The following CDH18 variants were observed in gnomAD, a reference collection of about 807,000 sequenced individuals.
CDH18 encodes cadherin-18.
CDH18 carries 31 observed loss-of-function variants against 67.9 expected under a neutral mutation model. The observed-to-expected ratio is 0.46, with a 90% CI of 0.34 to 0.62. The LOEUF (loss-of-function observed/expected upper bound fraction) is 0.62. Ranked by LOEUF, CDH18 falls within the 20% of genes least tolerant of loss-of-function variation. CDH18 has a pLI of 0.01. For missense variants in CDH18, 890 were observed against 975.5 expected, an observed-to-expected ratio of 0.91 and a Z score of 1.17; for synonymous variants, 362 against 347.2, an observed-to-expected ratio of 1.04 and a Z score of -0.48.
At chr5:20,213,959 T>C (rs765284338) in intron 2 of CDH18, among the ~76,000 whole-genome samples, 2 of 151,924 alleles carry the variant, frequency 1.3e-5, no homozygotes, top group Admixed American at 6.6e-5. Context: ...CATGATCCTA[T>C]ATCTAGAAAA....
At chr5:19,662,658 A>G (rs1313709347) in intron 5 of CDH18, among the ~76,000 whole-genome samples, 2 of 152,000 alleles carry the variant, frequency 1.3e-5, no homozygotes, top group East Asian at 1.9e-4. Flanking sequence ...CAAACCACAT[A>G]TGTGCAGCAC....
At chr5:19,567,053 G>C (rs962763565) in intron 8 of CDH18, among the ~76,000 whole-genome samples, 6 of 152,050 alleles carry the variant, frequency 3.9e-5, no homozygotes, top group Non-Finnish European at 7.3e-5. Context: ...AGGAGATAGG[G>C]GGTAGAATAA....
intron 3 of CDH18, among the ~76,000 whole-genome samples, chr5:19,766,993 C>A: frequency 6.6e-6 from 1 of 151,700 alleles, no homozygotes; most frequent in Non-Finnish European, 1.5e-5. Flanking sequence ...AGTAACCATG[C>A]ACATCTGATT....
At chr5:20,516,124 A>T (rs765925193) in intron 1 of CDH18, among the ~76,000 whole-genome samples, 37 of 152,138 alleles carry the variant, frequency 2.4e-4, no homozygotes, top group Admixed American at 7.2e-4. Context: ...ATGAATGCTA[A>T]TTGTAAGAGG....
chr5:20,374,545 T>C (rs1743258136), intron 1 of CDH18, among the ~76,000 whole-genome samples: 1 of 152,162 alleles, frequency 6.6e-6, no homozygotes, highest in African/African-American at 2.4e-5. Flanking sequence ...ACATTTCTCT[T>C]ATTTTACAGT....
At chr5:20,148,401 G>A (rs1336463092) in intron 2 of CDH18, among the ~76,000 whole-genome samples, 1 of 152,002 alleles carries the variant, frequency 6.6e-6, no homozygotes, top group Non-Finnish European at 1.5e-5. Flanking sequence ...CTGGCCTAGT[G>A]TCTTTTTTAA....
chr5:19,565,854 A>G (rs989010419), intron 8 of CDH18, among the ~76,000 whole-genome samples: 1 of 152,222 alleles, frequency 6.6e-6, no homozygotes. Context: ...TCAACCAAAT[A>G]AAAAATAGAT....
intron 1 of CDH18, among the ~76,000 whole-genome samples, chr5:20,471,027 T>C (rs1752022413): frequency 6.6e-6 from 1 of 152,228 alleles, no homozygotes; most frequent in Admixed American, 6.5e-5. Context: ...GCTGCTGAAA[T>C]GCTTATAAAC....
chr5:19,662,001 C>T (rs987235539), intron 5 of CDH18, among the ~76,000 whole-genome samples: 1 of 152,046 alleles, frequency 6.6e-6, no homozygotes, highest in African/African-American at 2.4e-5. Context: ...GAGCATGTCT[C>T]AGCTCAGACT....
chr5:20,205,191 G>A (rs1045327637), intron 2 of CDH18, among the ~76,000 whole-genome samples: 1 of 151,842 alleles, frequency 6.6e-6, no homozygotes, highest in African/African-American at 2.4e-5. Flanking sequence ...TGTTAAAACC[G>A]ATATTACATG....
chr5:20,265,574 A>G (rs971579126), intron 1 of CDH18, among the ~76,000 whole-genome samples: 4 of 152,118 alleles, frequency 2.6e-5, no homozygotes, highest in African/African-American at 7.2e-5. Context: ...AGACTGAAGG[A>G]GTATCAAAAT....
chr5:19,994,829 A>T (rs1306946173), intron 2 of CDH18, among the ~76,000 whole-genome samples: 5 of 21,016 alleles, frequency 2.4e-4, no homozygotes, highest in African/African-American at 8.8e-4. Context: ...ATATAAAGAG[A>T]ATATATATAT....
intron 1 of CDH18, among the ~76,000 whole-genome samples, chr5:20,466,884 T>C (rs572397661): frequency 6.6e-5 from 10 of 152,180 alleles, no homozygotes; most frequent in African/African-American, 2.4e-4. Context: ...TTAATGGAAA[T>C]AGGAATGTGT....
chr5:19,685,190 T>C (rs2150399064), intron 5 of CDH18, among the ~76,000 whole-genome samples: 1 of 152,210 alleles, frequency 6.6e-6, no homozygotes, highest in Non-Finnish European at 1.5e-5. Flanking sequence ...AAATGAAATA[T>C]CTCTATGAAT....
intron 5 of CDH18, among the ~76,000 whole-genome samples, chr5:19,690,599 C>T (rs1761730860): frequency 6.6e-6 from 1 of 151,466 alleles, no homozygotes; most frequent in Non-Finnish European, 1.5e-5. Context: ...TAAAAGGATA[C>T]ATTACAACCG....
At chr5:19,806,675 T>C (rs1293082441) in intron 3 of CDH18, among the ~76,000 whole-genome samples, 1 of 152,210 alleles carries the variant, frequency 6.6e-6, no homozygotes, top group Non-Finnish European at 1.5e-5. Flanking sequence ...ACTTGTATTG[T>C]CACTTCAATC....
At chr5:19,749,328 T>C (rs966810881) in intron 3 of CDH18, among the ~76,000 whole-genome samples, 6 of 151,460 alleles carry the variant, frequency 4.0e-5, no homozygotes, top group Non-Finnish European at 7.4e-5. Flanking sequence ...TGTTATATTA[T>C]ATATAAATTA....
intron 1 of CDH18, among the ~76,000 whole-genome samples, chr5:20,309,670 C>T (rs1356379421): frequency 1.3e-5 from 2 of 152,076 alleles, no homozygotes; most frequent in East Asian, 1.9e-4. Flanking sequence ...CAGATTTTAG[C>T]GGAGCATAAA....
rs185123910 is a variant in CDH18, at chr5:20,528,327, T to C, written c.-580+47135A>G. On this transcript the variant is annotated intron_variant, in intron 1 of 14. Coordinates refer to the CDH18 transcript ENST00000507958. ...GTGGGAGATTTTAATACCCCACTGT[T>C]AGTATTAGACAGATCATTTAGACAG... Among the ~76,000 whole-genome samples, 196 of 152,104 alleles carry C rather than the reference T, an allele frequency of 1.3e-3. 2 individuals are homozygous for C. Among genetic ancestry groups the C allele is most frequent in the African/African-American group, 4.4e-3 (183 of 41,444 alleles).
Sources: allele counts gnomAD v4.1 joint callset (sites outside exome capture counted in the v4.1 genomes callset), GRCh38; gene constraint gnomAD v4.1.1; transcripts MANE v1.5; gene names NCBI Gene and HGNC (gene_info 2026-07-23, HGNC 2026-07-21).